KCNMA1: variants seen among roughly 807,000 people sequenced by gnomAD.
The protein encoded by KCNMA1 is Calcium-activated potassium channel subunit alpha-1.
A neutral mutation model predicts 140.0 loss-of-function variants in KCNMA1; 29 were observed. The ratio of observed to expected loss-of-function variants is 0.21; its 90% CI spans 0.15 to 0.28. The LOEUF is 0.28. Among genes scored for constraint, KCNMA1 ranks in the 10% least tolerant of loss-of-function variants. The probability of loss-of-function intolerance (pLI) is 1.00; values close to 1 mark genes in which losing one functional copy is unlikely to be tolerated. For synonymous variants in KCNMA1, 612 were observed against 611.9 expected, an observed-to-expected ratio of 1.00 and a Z score of 0.00; for missense variants, 880 against 1,602.2, an observed-to-expected ratio of 0.55 and a Z score of 7.70.
chr10:77,375,530 C>A (rs563201155), intron 2 of KCNMA1, among the ~76,000 whole-genome samples: 12 of 152,326 alleles, frequency 7.9e-5, no homozygotes, highest in African/African-American at 2.9e-4. Flanking sequence ...ATAATAGCAT[C>A]CACCGCACTG....
At position 77,633,247 on chromosome 10, in the gene KCNMA1, G is replaced by A. The variant is rs180962355; in HGVS notation, c.378+4018C>T. Among the ~76,000 whole-genome samples the A allele has an allele frequency of 1.8e-3, 272 of 152,184 alleles. 2 individuals are homozygous for A. The East Asian group carries it at 0.034, about 19-fold the overall frequency. On this transcript the variant is annotated intron_variant, in intron 1 of 27. Coordinates refer to ENST00000286628, the MANE Select transcript of KCNMA1 (RefSeq NM_001161352.2). ...GGAGAATTGCTTGAACCCAGGAGGCGCAGGCTGCAGTGAGCCAAGATCGTG... is the reference window on the plus strand; with the variant it reads ...GGAGAATTGCTTGAACCCAGGAGGCACAGGCTGCAGTGAGCCAAGATCGTG...
At position 77,409,809 on chromosome 10, in the gene KCNMA1, A is replaced by G. The variant is rs188457101; in HGVS notation, c.379-5786T>C. Among the ~76,000 whole-genome samples, 1,122 of 152,264 alleles carry G rather than the reference A, an allele frequency of 7.4e-3. 28 individuals are homozygous for G. The highest frequency in any genetic ancestry group is 5.3e-3 in the Non-Finnish European group (359 of 68,020). On this transcript the variant is annotated intron_variant, in intron 1 of 27. Coordinates refer to ENST00000286628, the MANE Select transcript of KCNMA1 (RefSeq NM_001161352.2). ...TCAGGTCTGTGGTGTGGCAGGAAGAACTATGAAAATCAAAAGATACTCTGG... is the reference window on the plus strand; with the variant it reads ...TCAGGTCTGTGGTGTGGCAGGAAGAGCTATGAAAATCAAAAGATACTCTGG...
In KCNMA1 at chr10:77,012,399, G is replaced by C. The variant is rs1009596295; in HGVS notation, c.2016-356C>G. 4.9e-5 allele frequency: 76 copies of C among 1,538,382 alleles called. No homozygotes were observed. In the African/African-American group the frequency reaches 9.8e-4, roughly 20 times the overall value. ...GTGGGCAATGAGCCCTGGGCCCTTG[G>C]TGGGGAAGTTAAATACAACACCAAA... On this transcript the variant is annotated intron_variant, in intron 17 of 27. Coordinates refer to ENST00000286628, the MANE Select transcript of KCNMA1 (RefSeq NM_001161352.2).
At position 77,086,563 on chromosome 10, in the gene KCNMA1, C is replaced by G; in HGVS notation, c.1365G>C (p.Leu455=). The change falls in exon 11 of 28, where the codon CTG becomes CTC. Residue 455 remains leucine, a synonymous_variant. Coordinates refer to ENST00000286628, the MANE Select transcript of KCNMA1 (RefSeq NM_001161352.2). ...CCACCTGAGTAAAATGTCGTTTGAACAGAGCTTCAAGCTCCAGGTTGGGGG... is the reference window on the plus strand; with the variant it reads ...CCACCTGAGTAAAATGTCGTTTGAAGAGAGCTTCAAGCTCCAGGTTGGGGG... ...NISPNLELEA[L]FKRHFTQVEF... is the part of the protein sequence containing the mutation. 2 of 1,613,814 alleles carry G rather than the reference C, an allele frequency of 1.2e-6. No homozygotes were observed. The highest frequency in any genetic ancestry group is 8.5e-7 in the Non-Finnish European group (1 of 1,179,740).
chr10:77,377,555 T>C (rs2095203749), intron 2 of KCNMA1, among the ~76,000 whole-genome samples: 1 of 152,122 alleles, frequency 6.6e-6, no homozygotes, highest in Non-Finnish European at 1.5e-5. Flanking sequence ...GGCATTAGCA[T>C]CCTGATCTGC....
At chr10:76,932,216 T>C (rs1411914078) in intron 23 of KCNMA1, among the ~76,000 whole-genome samples, 1 of 152,204 alleles carries the variant, frequency 6.6e-6, no homozygotes, top group Non-Finnish European at 1.5e-5. Flanking sequence ...AAGTGTATTG[T>C]TCAAACATAT....
intron 1 of KCNMA1, among the ~76,000 whole-genome samples, chr10:77,529,781 C>A (rs1261956955): frequency 6.6e-6 from 1 of 151,122 alleles, no homozygotes; most frequent in Non-Finnish European, 1.5e-5. Flanking sequence ...CAACCAAGAG[C>A]CCCCACGTGG....
chr10:77,064,890 C>G (rs1234831342), intron 14 of KCNMA1, among the ~76,000 whole-genome samples: 2 of 152,224 alleles, frequency 1.3e-5, no homozygotes, highest in African/African-American at 4.8e-5. Flanking sequence ...CCAAATCTAA[C>G]CAGCCTCTGC....
chr10:76,922,993 T>C (rs879320411), intron 23 of KCNMA1, among the ~76,000 whole-genome samples: 5 of 152,196 alleles, frequency 3.3e-5, no homozygotes, highest in African/African-American at 4.8e-5. Flanking sequence ...TTTCTTTCTA[T>C]TTACAGTAAC....
At position 77,035,521 on chromosome 10, in the gene KCNMA1, G is replaced by A. The variant is rs564786673; in HGVS notation, c.1859+4007C>T. Among the ~76,000 whole-genome samples the A allele has an allele frequency of 4.6e-5, 7 of 152,242 alleles. No homozygotes were observed. In the East Asian group the frequency reaches 1.2e-3, roughly 25 times the overall value. On this transcript the variant is annotated intron_variant, in intron 15 of 27. Coordinates refer to ENST00000286628, the MANE Select transcript of KCNMA1 (RefSeq NM_001161352.2). Reference sequence around the variant, plus strand: ...TGAATATTTTACTTGGCATTTGTTGGCATTTGTAAGTATTGCTATTAATCT... The same window carrying A: ...TGAATATTTTACTTGGCATTTGTTGACATTTGTAAGTATTGCTATTAATCT...
intron 1 of KCNMA1, among the ~76,000 whole-genome samples, chr10:77,417,319 C>A (rs1374520476): frequency 6.9e-6 from 1 of 144,388 alleles, no homozygotes; most frequent in African/African-American, 2.5e-5. Flanking sequence ...GCCTATATAC[C>A]TTTTATGCCC....
intron 2 of KCNMA1, among the ~76,000 whole-genome samples, chr10:77,277,346 C>T (rs2066960158): frequency 6.6e-6 from 1 of 152,186 alleles, no homozygotes; most frequent in Admixed American, 6.5e-5. Flanking sequence ...AGAGGCTGCA[C>T]CATGATAGCT....
At chr10:76,960,141 C>A (rs1296704715) in intron 20 of KCNMA1, among the ~76,000 whole-genome samples, 1 of 152,190 alleles carries the variant, frequency 6.6e-6, no homozygotes, top group Non-Finnish European at 1.5e-5. Context: ...ACAAAATGCA[C>A]CACTTATGTG....
At chr10:76,888,941 C>A (rs1224183035) in intron 27 of KCNMA1, among the ~76,000 whole-genome samples, 1 of 152,078 alleles carries the variant, frequency 6.6e-6, no homozygotes, top group African/African-American at 2.4e-5. Flanking sequence ...TGCCTATAAT[C>A]CCAGCTACTC....
chr10:77,194,316 G>A (rs931037059), intron 3 of KCNMA1, among the ~76,000 whole-genome samples: 5 of 152,064 alleles, frequency 3.3e-5, no homozygotes, highest in African/African-American at 1.2e-4. Flanking sequence ...GACTTCTTTG[G>A]GCTGTTACTA....
At chr10:77,595,163 T>C (rs1459326294) in intron 1 of KCNMA1, among the ~76,000 whole-genome samples, 2 of 152,036 alleles carry the variant, frequency 1.3e-5, no homozygotes, top group South Asian at 2.1e-4. Context: ...CTGGCCAATA[T>C]AGTGAAACCC....
chr10:77,538,144 T>A (rs771237298), intron 1 of KCNMA1, among the ~76,000 whole-genome samples: 1 of 150,906 alleles, frequency 6.6e-6, no homozygotes, highest in Non-Finnish European at 1.5e-5. Flanking sequence ...TACATTCACA[T>A]ACACACTCTA....
At chr10:77,464,289 G>T (rs1432998507) in intron 1 of KCNMA1, among the ~76,000 whole-genome samples, 1 of 152,100 alleles carries the variant, frequency 6.6e-6, no homozygotes, top group African/African-American at 2.4e-5. Flanking sequence ...CGGAAGCATG[G>T]GAGGGCCTTT....
intron 3 of KCNMA1, among the ~76,000 whole-genome samples, chr10:77,230,487 G>A (rs1215639880): frequency 6.6e-6 from 1 of 152,210 alleles, no homozygotes; most frequent in East Asian, 1.9e-4. Context: ...GAGTGGTAAA[G>A]TTAGAAGATA....
Sources: allele counts gnomAD v4.1 joint callset (sites outside exome capture counted in the v4.1 genomes callset), GRCh38; gene constraint gnomAD v4.1.1; transcripts MANE v1.5; gene names NCBI Gene and HGNC (gene_info 2026-07-23, HGNC 2026-07-21).